The following GPATCH2 variants were observed in gnomAD, a reference collection of about 807,000 sequenced individuals.
The protein encoded by GPATCH2 is G patch domain-containing protein 2.
A neutral mutation model predicts 58.0 loss-of-function variants in GPATCH2; 51 were observed. That is an observed-to-expected ratio of 0.88 (90% CI 0.70 to 1.11). GPATCH2 has a LOEUF of 1.11. Among genes scored for constraint, GPATCH2 ranks in the 50% most tolerant of loss-of-function variants. The pLI is 0.00. For synonymous variants in GPATCH2, 222 were observed against 218.5 expected (o/e 1.02, Z -0.14); for missense variants, 625 against 652.2 (o/e 0.96, Z 0.45).
rs547179208 is a variant in GPATCH2 at position 217,434,656 on chromosome 1, T to C, written c.1367-3291A>G. Among the ~76,000 whole-genome samples the C allele has an allele frequency of 3.9e-4, 60 of 152,338 alleles. 1 individual carries two copies. In the South Asian group the frequency reaches 0.012, roughly 31 times the overall value. On this transcript the variant is annotated intron_variant, in intron 9 of 9. Coordinates refer to ENST00000366935, the MANE Select transcript of GPATCH2 (RefSeq NM_018040.5). ...AAGTTCAGAATTAAAATTTGTTTAA[T>C]ATTTAAGAAAACAGTAAGGCCAATT...
intron 6 of GPATCH2, among the ~76,000 whole-genome samples, chr1:217,508,910 A>G (rs1571829854): frequency 6.6e-6 from 1 of 152,294 alleles, no homozygotes; most frequent in East Asian, 1.9e-4. Flanking sequence ...GACTTTAAAT[A>G]TAGTAATATG....
intron 8 of GPATCH2, among the ~76,000 whole-genome samples, chr1:217,481,577 G>A (rs1044459907): frequency 2.0e-5 from 3 of 152,062 alleles, no homozygotes; most frequent in African/African-American, 7.2e-5. Context: ...AGTGCCTAAG[G>A]CCAGGTGCAG....
intron 5 of GPATCH2, among the ~76,000 whole-genome samples, chr1:217,571,510 A>AT (rs1193631259): frequency 7.4e-6 from 1 of 135,252 alleles, no homozygotes; most frequent in African/African-American, 2.5e-5. Flanking sequence ...TTTGAAAGAC[A>AT]TTAAAAAAAA....
At chr1:217,491,468 AAATT>A (rs1427097106) in intron 8 of GPATCH2, 3 of 223,884 alleles carry the variant, frequency 1.3e-5, no homozygotes, top group Non-Finnish European at 1.7e-5. Context: ...TTTATTTTAA[AAATT>A]AATTATTTTT....
intron 5 of GPATCH2, among the ~76,000 whole-genome samples, chr1:217,531,071 A>ACT (rs780268871): frequency 0.014 from 1,336 of 95,872 alleles, 10 homozygotes; most frequent in Middle Eastern, 0.05. Context: ...ACACACACAC[A>ACT]CTTTATTTAA....
Position 217,538,483 on chromosome 1 carries a change from C to T in GPATCH2, c.1099-23594G>A, listed in dbSNP as rs143072555. Among the ~76,000 whole-genome samples the T allele has an allele frequency of 7.1e-4, 108 of 152,300 alleles. No homozygotes were observed. The East Asian group carries it at 0.017, about 24-fold the overall frequency. On this transcript the variant is annotated intron_variant, in intron 5 of 9. Transcript: ENST00000366935. Reference sequence around the variant, plus strand: ...AGGGTCAAAATGGTTTTTAGCTATACTTCACCAGATTTTATGGGGAAAATA... The same window carrying T: ...AGGGTCAAAATGGTTTTTAGCTATATTTCACCAGATTTTATGGGGAAAATA...
chr1:217,537,700 A>G (rs556571924), intron 5 of GPATCH2, among the ~76,000 whole-genome samples: 29 of 152,314 alleles, frequency 1.9e-4, no homozygotes, highest in African/African-American at 5.3e-4. Flanking sequence ...TTAAATGTCC[A>G]TTTAGACTAC....
chr1:217,499,863 G>A (rs946963596), intron 6 of GPATCH2, among the ~76,000 whole-genome samples: 1 of 151,898 alleles, frequency 6.6e-6, no homozygotes, highest in African/African-American at 2.4e-5. Context: ...GCTCTGTTGA[G>A]AGACACCACT....
intron 8 of GPATCH2, among the ~76,000 whole-genome samples, chr1:217,487,821 C>T (rs1290284514): frequency 6.6e-6 from 1 of 152,116 alleles, no homozygotes; most frequent in Non-Finnish European, 1.5e-5. Flanking sequence ...AGGCTCACTG[C>T]AATCTCCGAC....
At chr1:217,506,073 G>A (rs551677027) in intron 6 of GPATCH2, among the ~76,000 whole-genome samples, 112 of 152,192 alleles carry the variant, frequency 7.4e-4, no homozygotes, top group African/African-American at 2.6e-3. Flanking sequence ...CTCCCATTTC[G>A]GCTTAAATTT....
intron 3 of GPATCH2, 137 bp downstream of exon 3, chr1:217,614,004 T>A (rs1231321454): frequency 1.5e-5 from 9 of 582,528 alleles, no homozygotes; most frequent in Non-Finnish European, 2.8e-5. Context: ...CCAGCTACGA[T>A]ACTAAATCCT....
chr1:217,505,411 A>AT (rs2102561175), intron 6 of GPATCH2, among the ~76,000 whole-genome samples: 1 of 96,902 alleles, frequency 1.0e-5, no homozygotes, highest in South Asian at 3.8e-4. Flanking sequence ...CCTTTAGGAA[A>AT]GAGGTTTTAA....
At chr1:217,499,284 C>T (rs1005386629) in intron 6 of GPATCH2, among the ~76,000 whole-genome samples, 12 of 152,152 alleles carry the variant, frequency 7.9e-5, no homozygotes, top group Non-Finnish European at 1.3e-4. Flanking sequence ...GTACTAAGCA[C>T]GTGACATGTT....
intron 5 of GPATCH2, among the ~76,000 whole-genome samples, chr1:217,529,083 T>C (rs1664063774): frequency 1.3e-5 from 2 of 151,976 alleles, no homozygotes; most frequent in African/African-American, 4.8e-5. Flanking sequence ...TCCCCTATAA[T>C]TACCCCCAGG....
intron 5 of GPATCH2, among the ~76,000 whole-genome samples, chr1:217,560,864 A>G (rs1288354952): frequency 1.3e-5 from 2 of 152,162 alleles, no homozygotes; most frequent in Non-Finnish European, 2.9e-5. Context: ...AATCAGTTAA[A>G]GTTTTCATTT....
At chr1:217,465,097 A>G (rs1660382599) in intron 8 of GPATCH2, among the ~76,000 whole-genome samples, 2 of 152,150 alleles carry the variant, frequency 1.3e-5, no homozygotes, top group African/African-American at 4.8e-5. Context: ...TTAGAAATAA[A>G]AGGAAAAAAA....
At chr1:217,548,302 A>G (rs946915235) in intron 5 of GPATCH2, among the ~76,000 whole-genome samples, 2 of 152,108 alleles carry the variant, frequency 1.3e-5, no homozygotes, top group African/African-American at 2.4e-5. Flanking sequence ...AAAAAAACCA[A>G]TGGGTACTAG....
intron 5 of GPATCH2, among the ~76,000 whole-genome samples, chr1:217,540,497 GT>G (rs1443950751): frequency 1.3e-5 from 2 of 152,136 alleles, no homozygotes; most frequent in Non-Finnish European, 2.9e-5. Context: ...GTCTTCTTGT[GT>G]TTTCAAAAAT....
At chr1:217,532,612 A>G (rs1052955208) in intron 5 of GPATCH2, among the ~76,000 whole-genome samples, 3 of 152,196 alleles carry the variant, frequency 2.0e-5, no homozygotes, top group Non-Finnish European at 4.4e-5. Flanking sequence ...AATGAAATAA[A>G]TAAGGAGAAG....
Sources: allele counts gnomAD v4.1 joint callset (sites outside exome capture counted in the v4.1 genomes callset), GRCh38; gene constraint gnomAD v4.1.1; transcripts MANE v1.5; gene names NCBI Gene and HGNC (gene_info 2026-07-23, HGNC 2026-07-21).